BRAT1: variants seen among roughly 807,000 people sequenced by gnomAD.
The protein encoded by BRAT1 is BRCA1 associated ATM activator 1.
BRAT1 carries 74 observed loss-of-function variants against 70.6 expected under a neutral mutation model. The observed-to-expected ratio is 1.05, with a 90% confidence interval of 0.87 to 1.27. The LOEUF is 1.27. BRAT1 is among the 50% of genes most tolerant of loss of function. The pLI is 0.00. For synonymous variants in BRAT1, 615 were observed against 517.1 expected (o/e 1.19, Z -2.57); for missense variants, 1,203 against 1,098.2 (o/e 1.10, Z -1.35).
Position 2,543,763 on chromosome 7 carries a change from G to T in BRAT1, c.630C>A (p.Ala210=), listed in dbSNP as rs1045901869. The T allele has an allele frequency of 3.7e-6, 6 of 1,606,862 alleles. No individual in the cohort carries two copies. The highest frequency in any genetic ancestry group is 5.1e-6 in the Non-Finnish European group (6 of 1,175,182). The change falls in exon 5 of 14, where the codon GCC becomes GCA. Residue 210 remains alanine, a synonymous_variant. Coordinates refer to ENST00000340611, the MANE Select transcript of BRAT1 (RefSeq NM_152743.4). The surrounding 1 kb of genome is among the most constrained non-coding windows in gnomAD (Gnocchi z 5.5). ...TCAGGGCCTGAGTGACCTTGGGGGT[G>T]GCCGCGGAGCACAAGGACTCTTCAA... ...DHVEESLCSA[A]TPKVTQALNV...
chr7:2,555,417 C>T (rs1583349579), intron 1 of BRAT1, 70 bp downstream of exon 1: 1 of 152,260 alleles, frequency 6.6e-6, no homozygotes, highest in Non-Finnish European at 1.5e-5. Flanking sequence ...GCCCGCCCCC[C>T]TCGGCCGGGT....
At chr7:2,551,522 C>A (rs760024587) in intron 2 of BRAT1, among the ~76,000 whole-genome samples, 32 of 151,096 alleles carry the variant, frequency 2.1e-4, no homozygotes, top group Middle Eastern at 3.4e-3. Flanking sequence ...GAGACCTCAT[C>A]TCTATGGGAA....
intron 10 of BRAT1, 127 bp downstream of exon 10, chr7:2,540,852 C>T (rs1779090903): frequency 4.0e-6 from 4 of 1,009,340 alleles, no homozygotes; most frequent in East Asian, 3.2e-5. Flanking sequence ...GCTCTCTGAG[C>T]AGCAGCTCTG....
Position 2,537,836 on chromosome 7 carries a change from TTAACTCAAA to T in BRAT1, c.*224_*232del. On this transcript the variant is annotated 3_prime_UTR_variant, in exon 14 of 14. Coordinates refer to ENST00000340611, the MANE Select transcript of BRAT1 (RefSeq NM_152743.4). The stretch of plus-strand genomic sequence containing the variant: ...CTTGTCTCAGATCATTATTATTAAA[TTAACTCAAA>T]AAGGGTTAAAGAAAGACTTCAATGC... 1.7e-6 allele frequency: 1 copy of T among 588,668 alleles called. No individual in the cohort carries two copies. The allele number at this position is 588,668 out of a possible 1,614,324, so 36.5% of individuals were successfully genotyped here.
rs776379147 is a variant in BRAT1, at chr7:2,554,323, T to C, written c.109A>G (p.Lys37Glu). Residue 37 changes from lysine to glutamate, a missense_variant, in exon 2 of 14, where the codon AAA (lysine) becomes GAA (glutamate). Physicochemically the swap from Lys to Glu is moderately conservative, Grantham distance 56. Transcript: ENST00000340611. ...TCCTTACCTCCTTCAGTGACCGTTT[T>C]AAACCAGTCCAGGAGCTTCTCCAAA... is the stretch of plus-strand genomic sequence containing the variant. ...TCLEKLLDWF[K>E]TVTEGESSVV... 1 of 1,613,854 alleles carries C rather than the reference T, an allele frequency of 6.2e-7. No individual in the cohort carries two copies. The highest frequency in any genetic ancestry group is 2.2e-5 in the East Asian group (1 of 44,880).
At chr7:2,539,464 G>C in intron 12 of BRAT1, 80 bp downstream of exon 12, 5 of 1,500,094 alleles carry the variant, frequency 3.3e-6, no homozygotes, top group Middle Eastern at 2.2e-4. Flanking sequence ...TCTAGAGCCA[G>C]CAAGAGGCTG....
intron 2 of BRAT1, among the ~76,000 whole-genome samples, chr7:2,550,887 AC>A (rs1779956461): frequency 6.6e-6 from 1 of 152,188 alleles, no homozygotes; most frequent in Admixed American, 6.6e-5. Flanking sequence ...CGGGTCACGT[AC>A]CGACATCATA....
intron 11 of BRAT1, 64 bp from the exon 12 acceptor site, chr7:2,539,706 G>A: frequency 6.4e-7 from 1 of 1,551,276 alleles, no homozygotes; most frequent in Non-Finnish European, 8.7e-7. Flanking sequence ...CTCAGAGCCA[G>A]CTGAGCCATT....
chr7:2,539,126 C>T (rs776430149), intron 13 of BRAT1, 53 bp downstream of exon 13: 9 of 1,549,408 alleles, frequency 5.8e-6, no homozygotes, highest in Non-Finnish European at 7.8e-6. Context: ...AGCAAACGAG[C>T]ACACACGATG....
chr7:2,541,850 C>T lies in BRAT1; in HGVS notation c.1016-14G>A. On this transcript the variant is annotated splice_polypyrimidine_tract_variant and intron_variant, in intron 7 of 13. Coordinates refer to ENST00000340611, the MANE Select transcript of BRAT1 (RefSeq NM_152743.4). ...CGTCCAGCAAGCCTGGGGGCCAAGC[C>T]AGGAAGAGCTCCCTTAGAGAGCACT... The T allele has an allele frequency of 6.2e-7, 1 of 1,611,664 alleles. No homozygotes were observed. Among genetic ancestry groups the T allele is most frequent in the Admixed American group, 1.7e-5 (1 of 59,896 alleles).
chr7:2,540,764 C>T (rs990062848), intron 10 of BRAT1: 5 of 463,848 alleles, frequency 1.1e-5, no homozygotes, highest in African/African-American at 6.1e-5. Context: ...CCCACGGCCC[C>T]ACACACCCCT....
intron 3 of BRAT1, among the ~76,000 whole-genome samples, chr7:2,546,377 C>G (rs1332145970): frequency 6.6e-6 from 1 of 152,194 alleles, no homozygotes. Context: ...GAGGTCAAGG[C>G]TGCAGTGAGC....
chr7:2,547,424 T>C lies in BRAT1; in HGVS notation c.182A>G (p.His61Arg). 1 of 1,614,044 alleles carries C rather than the reference T, an allele frequency of 6.2e-7. No homozygotes were observed. Among genetic ancestry groups the C allele is most frequent in the Non-Finnish European group, 8.5e-7 (1 of 1,180,004 alleles). ...EHPCLVELLS[H>R]VLKVQDLSSG... ...ACTCAGGTCCTGGACTTTCAGCACA[T>C]GGGACAGCAGCTCCACCAGGCAGGG... is the stretch of plus-strand genomic sequence containing the variant. The change falls in exon 3 of 14, where the codon CAT becomes CGT. Residue 61 changes from histidine (H) to arginine (R), a missense_variant. By Grantham distance (29) the His-to-Arg change is conservative. Coordinates refer to ENST00000340611, the MANE Select transcript of BRAT1 (RefSeq NM_152743.4).
rs200963118 is a variant in BRAT1 at position 2,541,064 on chromosome 7, G to C, written c.1322-12C>G. On this transcript the variant is annotated splice_polypyrimidine_tract_variant and intron_variant, in intron 9 of 13. Transcript: ENST00000340611. ...CAGCTCCTGGGGGCCTGAGACAGAG[G>C]TGAGTGGATAAACCACCCCCACCCC... The C allele has an allele frequency of 6.4e-7, 1 of 1,560,102 alleles. No individual in the cohort carries two copies. Among genetic ancestry groups the C allele is most frequent in the East Asian group, 2.4e-5 (1 of 42,240 alleles).
intron 4 of BRAT1, chr7:2,544,197 G>GTTTTTTTTTT (rs201500695): frequency 9.9e-5 from 12 of 121,398 alleles, no homozygotes; most frequent in Admixed American, 2.4e-4. Context: ...GTTCCTTCTT[G>GTTTTTTTTTT]TTGTTTTTTT....
chr7:2,546,689 C>T (rs183946095), intron 3 of BRAT1, among the ~76,000 whole-genome samples: 99 of 150,308 alleles, frequency 6.6e-4, no homozygotes, highest in African/African-American at 2.3e-3. Context: ...TAGCTGAGTT[C>T]GAACCATTGC....
rs903491648 is a variant in BRAT1 at position 2,538,771 on chromosome 7, G to T, written c.1771-7C>A. The T allele has an allele frequency of 3.4e-5, 54 of 1,598,046 alleles. No homozygotes were observed. The highest frequency in any genetic ancestry group is 4.6e-5 in the Non-Finnish European group (54 of 1,179,798). ...GGAGCTCCAGGAACAGGCTCTGGGG[G>T]ACAGGGAGCAAGTGCGGATGGTTGG... On this transcript the variant is annotated splice_polypyrimidine_tract_variant and splice_region_variant and intron_variant, in intron 13 of 13. Transcript: ENST00000340611.
chr7:2,547,292 C>G (rs756994903), intron 3 of BRAT1, 32 bp downstream of exon 3: 5 of 1,610,834 alleles, frequency 3.1e-6, no homozygotes, highest in Admixed American at 1.7e-5. Context: ...CACCTCTCCA[C>G]GGGACACTCA....
At chr7:2,551,661 C>T (rs903969709) in intron 2 of BRAT1, among the ~76,000 whole-genome samples, 12 of 148,370 alleles carry the variant, frequency 8.1e-5, no homozygotes, top group Admixed American at 1.3e-4. Flanking sequence ...TCCTGGGTGA[C>T]GCGCAAAAAC....
Sources: allele counts gnomAD v4.1 joint callset (sites outside exome capture counted in the v4.1 genomes callset), GRCh38; gene constraint gnomAD v4.1.1; non-coding constraint Gnocchi (gnomAD v3.1); transcripts MANE v1.5; gene names NCBI Gene and HGNC (gene_info 2026-07-23, HGNC 2026-07-21).